UNC13A: variants seen among roughly 807,000 people sequenced by gnomAD.
The protein encoded by UNC13A is protein unc-13 homolog A.
In UNC13A, 61 loss-of-function variants were observed where a neutral mutation model predicts 219.7. The observed-to-expected ratio is 0.28, with a 90% CI of 0.23 to 0.34. The LOEUF (loss-of-function observed/expected upper bound fraction) is 0.34. Among genes scored for constraint, UNC13A ranks in the 10% least tolerant of loss-of-function variants. The pLI, the probability that UNC13A is intolerant of heterozygous loss-of-function variation, is 1.00. For missense variants in UNC13A, 1,476 were observed against 2,270.3 expected, an observed-to-expected ratio of 0.65 and a Z score of 7.11; for synonymous variants, 920 against 884.6, an observed-to-expected ratio of 1.04 and a Z score of -0.71.
chr19:17,658,255 T>C lies in UNC13A; in HGVS notation c.574A>G (p.Ser192Gly), dbSNP rs372364453. The change falls in exon 9 of 44, where the codon AGT becomes GGT. Residue 192 changes from serine to glycine, a missense_variant. By Grantham distance (56) the Ser-to-Gly change is moderately conservative. Coordinates refer to ENST00000519716, the MANE Select transcript of UNC13A (RefSeq NM_001080421.3). ...TCACTGTCACGATCATCCACTGCAC[T>C]GTCGGGGTCATCGTCTGGAAGAGAG... ...WGEQHNDDPD[S>G]AVDDRDSDYR... The C allele has an allele frequency of 3.1e-6, 5 of 1,612,954 alleles. No individual in the cohort carries two copies. In the African/African-American group the frequency reaches 5.3e-5, roughly 17 times the overall value.
chr19:17,636,009 A>C lies in UNC13A; in HGVS notation c.3215+15T>G, dbSNP rs370450124. The stretch of plus-strand genomic sequence containing the variant: ...ATGACACCCAGATAATTAACTACAC[A>C]GATACACAACTCACTGGTTGAGGCA... On this transcript the variant is annotated intron_variant, in intron 26 of 43. Transcript: ENST00000519716. The C allele has an allele frequency of 4.4e-6, 7 of 1,604,628 alleles. No individual in the cohort carries two copies. Among genetic ancestry groups the C allele is most frequent in the Non-Finnish European group, 5.1e-6 (6 of 1,172,746 alleles).
intron 12 of UNC13A, among the ~76,000 whole-genome samples, chr19:17,650,846 A>C (rs1168880365): frequency 6.6e-6 from 1 of 151,818 alleles, no homozygotes; most frequent in African/African-American, 2.4e-5. Flanking sequence ...GGCTCACTGT[A>C]GCCTCCACCT....
intron 1 of UNC13A, among the ~76,000 whole-genome samples, chr19:17,677,932 G>A (rs1397179217): frequency 2.0e-5 from 3 of 152,078 alleles, no homozygotes; most frequent in Non-Finnish European, 2.9e-5. Flanking sequence ...GGTAGCATTC[G>A]ACACCCACTG....
intron 1 of UNC13A, among the ~76,000 whole-genome samples, chr19:17,683,809 T>G (rs752462483): frequency 3.3e-5 from 5 of 152,048 alleles, no homozygotes; most frequent in Non-Finnish European, 7.4e-5. Context: ...AAAACATCAG[T>G]TGGGCGTGGT....
intron 1 of UNC13A, among the ~76,000 whole-genome samples, chr19:17,685,963 C>T (rs781513708): frequency 2.6e-5 from 4 of 151,770 alleles, no homozygotes; most frequent in Non-Finnish European, 5.9e-5. Context: ...GGGCACCATC[C>T]CACCTCTCCC....
chr19:17,663,703 C>T (rs12151017), intron 7 of UNC13A, 136 bp from the exon 8 acceptor site: 170,611 of 814,944 alleles, frequency 0.21, 20,547 homozygotes, highest in African/African-American at 0.39. Flanking sequence ...GAGTACCTTC[C>T]CTGAGTATCA....
chr19:17,623,193 T>TGG (rs2076746880), intron 36 of UNC13A: 3 of 308,906 alleles, frequency 9.7e-6, no homozygotes, highest in African/African-American at 2.2e-5. Context: ...ATCCTCTTTC[T>TGG]AGCTTCAGGG....
At chr19:17,623,490 TC>T in intron 36 of UNC13A, 51 bp downstream of exon 36, 1 of 1,490,252 alleles carries the variant, frequency 6.7e-7, no homozygotes. Flanking sequence ...GTGGGCCGAG[TC>T]CAGACACAGA....
intron 15 of UNC13A, 96 bp from the exon 16 acceptor site, chr19:17,648,746 C>A: frequency 6.6e-7 from 1 of 1,525,048 alleles, no homozygotes; most frequent in Non-Finnish European, 9.0e-7. Context: ...GGTAAAGTCC[C>A]AGGCCCTCCC....
At chr19:17,671,735 A>G (rs2079792210) in intron 4 of UNC13A, among the ~76,000 whole-genome samples, 1 of 151,942 alleles carries the variant, frequency 6.6e-6, no homozygotes, top group African/African-American at 2.4e-5. Context: ...GATCATGCCA[A>G]TGCACTCCAG....
chr19:17,609,845 A>G, intron 43 of UNC13A, 95 bp downstream of exon 43: 1 of 1,555,016 alleles, frequency 6.4e-7, no homozygotes, highest in Non-Finnish European at 8.8e-7. Flanking sequence ...TCCCGGGCCC[A>G]GATTCCAGAT....
intron 22 of UNC13A, among the ~76,000 whole-genome samples, chr19:17,640,207 T>C (rs918732665): frequency 6.6e-6 from 1 of 152,082 alleles, no homozygotes; most frequent in Admixed American, 6.6e-5. Flanking sequence ...GCTAATTTTC[T>C]TTTGGATTTT....
intron 31 of UNC13A, among the ~76,000 whole-genome samples, chr19:17,628,982 C>T (rs892414403): frequency 1.3e-5 from 2 of 152,122 alleles, no homozygotes; most frequent in Non-Finnish European, 2.9e-5. Flanking sequence ...CACACACACA[C>T]GCAGAGTATA....
At chr19:17,666,579 A>G (rs921199416) in intron 7 of UNC13A, 71 bp downstream of exon 7, 9 of 1,200,690 alleles carry the variant, frequency 7.5e-6, no homozygotes, top group South Asian at 2.2e-5. Flanking sequence ...GCCTTTAGAC[A>G]GGACAGTCAT....
At chr19:17,666,132 TTTTC>T (rs776020319) in intron 7 of UNC13A, among the ~76,000 whole-genome samples, 3 of 62,646 alleles carry the variant, frequency 4.8e-5, no homozygotes, top group Middle Eastern at 6.3e-3. Context: ...TTTTCTTTCT[TTTTC>T]TTTCTTTCTT....
intron 4 of UNC13A, among the ~76,000 whole-genome samples, chr19:17,671,308 G>A (rs557888671): frequency 5.9e-5 from 9 of 152,256 alleles, no homozygotes; most frequent in African/African-American, 2.2e-4. Context: ...GTTAGAGTGT[G>A]GGGGGAGATG....
At chr19:17,683,853 C>T (rs895681331) in intron 1 of UNC13A, among the ~76,000 whole-genome samples, 9 of 152,108 alleles carry the variant, frequency 5.9e-5, no homozygotes, top group Non-Finnish European at 2.9e-5. Flanking sequence ...CTTTGGGAGG[C>T]TGAGGAGGGT....
At chr19:17,610,233 A>C in intron 42 of UNC13A, 134 bp from the exon 43 acceptor site, 1 of 1,187,170 alleles carries the variant, frequency 8.4e-7, no homozygotes, top group Middle Eastern at 2.3e-4. Context: ...CGGGAGGCCA[A>C]GGCGGGTGGA....
At chr19:17,636,662 G>A (rs754447977) in intron 25 of UNC13A, among the ~76,000 whole-genome samples, 4 of 152,008 alleles carry the variant, frequency 2.6e-5, no homozygotes, top group Non-Finnish European at 5.9e-5. Context: ...GAAATAAATC[G>A]ACTCGAACTC....
Sources: allele counts gnomAD v4.1 joint callset (sites outside exome capture counted in the v4.1 genomes callset), GRCh38; gene constraint gnomAD v4.1.1; transcripts MANE v1.5; gene names NCBI Gene and HGNC (gene_info 2026-07-23, HGNC 2026-07-21).